Variants in MBP observed in about 807,000 individuals in gnomAD.
MBP encodes the protein myelin basic protein.
In MBP, 16 loss-of-function variants were observed where a neutral mutation model predicts 35.8. That is an observed-to-expected ratio of 0.45 (90% CI 0.30 to 0.68). The LOEUF is 0.68. Among genes scored for constraint, MBP ranks in the 30% least tolerant of loss-of-function variants. MBP has a pLI of 0.08. For missense variants in MBP, 380 were observed against 404.7 expected (o/e 0.94, Z 0.52); for synonymous variants, 143 against 159.6 (o/e 0.90, Z 0.78).
intron 2 of MBP, among the ~76,000 whole-genome samples, chr18:77,098,778 A>G (rs980853291): frequency 3.3e-5 from 5 of 152,228 alleles, no homozygotes; most frequent in African/African-American, 1.2e-4. Context: ...CCCTTCGGCA[A>G]ACATCACTCT....
chr18:77,098,156 C>G (rs1275478966), intron 2 of MBP, among the ~76,000 whole-genome samples: 2 of 123,992 alleles, frequency 1.6e-5, no homozygotes, highest in Non-Finnish European at 3.4e-5. Context: ...TGAGGACAGA[C>G]ACAAGGACTT....
intron 3 of MBP, among the ~76,000 whole-genome samples, chr18:77,051,246 A>G (rs1296599780): frequency 1.3e-5 from 2 of 152,214 alleles, no homozygotes; most frequent in Non-Finnish European, 2.9e-5. Context: ...AACCTCATGA[A>G]ACGTTCCCAT....
chr18:77,024,746 T>C (rs1972133664), intron 3 of MBP, among the ~76,000 whole-genome samples: 1 of 152,256 alleles, frequency 6.6e-6, no homozygotes, highest in African/African-American at 2.4e-5. Context: ...GGGAAGGACC[T>C]TGGAGGCCGA....
chr18:76,981,528 A>G (rs536287652), intron 8 of MBP: 7 of 152,362 alleles, frequency 4.6e-5, no homozygotes, highest in African/African-American at 1.7e-4. Flanking sequence ...GTACATACGT[A>G]GCATTATAAA....
At chr18:77,114,049 A>G (rs1199953499) in intron 1 of MBP, 2 of 152,214 alleles carry the variant, frequency 1.3e-5, no homozygotes, top group Non-Finnish European at 2.9e-5. Flanking sequence ...GCATTCACCC[A>G]TGTAAGAAGT....
At chr18:77,063,936 G>T (rs78958339) in intron 3 of MBP, among the ~76,000 whole-genome samples, 16,511 of 151,288 alleles carry the variant, frequency 0.11, 1,128 homozygotes, top group Non-Finnish European at 0.15. Flanking sequence ...GTGTGTATTT[G>T]ATGGTAACAG....
intron 4 of MBP, among the ~76,000 whole-genome samples, chr18:76,991,483 T>C (rs1969913720): frequency 6.6e-6 from 1 of 152,140 alleles, no homozygotes; most frequent in South Asian, 2.1e-4. Flanking sequence ...CATTGTCTGC[T>C]CGGCTCTCAG....
At chr18:77,126,568 T>C (rs967350438) in intron 1 of MBP, among the ~76,000 whole-genome samples, 2 of 152,184 alleles carry the variant, frequency 1.3e-5, no homozygotes, top group Admixed American at 6.5e-5. Flanking sequence ...ATAAAAAGTA[T>C]ATAAATTGGA....
intron 3 of MBP, among the ~76,000 whole-genome samples, chr18:77,063,094 AG>A (rs1974049193): frequency 6.6e-6 from 1 of 152,196 alleles, no homozygotes; most frequent in Admixed American, 6.5e-5. Flanking sequence ...TTCCTAAAGT[AG>A]GTGGGAGCTG....
rs145518309 is a variant in MBP at position 77,101,210 on chromosome 18, G to A, written c.51+4001C>T. 2.0e-5 allele frequency among the ~76,000 whole-genome samples: 3 copies of A among 152,336 alleles called. No homozygotes were observed. Among genetic ancestry groups the A allele is most frequent in the African/African-American group, 4.8e-5 (2 of 41,580 alleles). ...CCCCCTGCCCCTCTCCTGGCATTGA[G>A]GCACGTCCCTGGGTTCTCCAGGGCA... On this transcript the variant is annotated intron_variant, in intron 2 of 8. Coordinates refer to ENST00000355994, the MANE Select transcript of MBP (RefSeq NM_001025101.2). The surrounding 1 kb of genome is among the most constrained non-coding windows in gnomAD (Gnocchi z 4.3).
chr18:77,077,976 C>T (rs1017949923), intron 2 of MBP, among the ~76,000 whole-genome samples: 1 of 152,190 alleles, frequency 6.6e-6, no homozygotes, highest in African/African-American at 2.4e-5. Context: ...GGCCATCCTC[C>T]CGAGAGCTGC....
At position 77,064,907 on chromosome 18, in the gene MBP, C is replaced by A. The variant is rs76597459; in HGVS notation, c.139+1391G>T. Among the ~76,000 whole-genome samples, 701 of 152,256 alleles carry A rather than the reference C, an allele frequency of 4.6e-3. 3 individuals carry two copies. Among genetic ancestry groups the A allele is most frequent in the African/African-American group, 0.016 (669 of 41,548 alleles). ...GATCTGAGCACATTTCATTCCACCCCTTTTCCTCTTTGCTTTAGGAATAGA... is the reference window on the plus strand; with the variant it reads ...GATCTGAGCACATTTCATTCCACCCATTTTCCTCTTTGCTTTAGGAATAGA... On this transcript the variant is annotated intron_variant, in intron 3 of 8. Coordinates refer to ENST00000355994, the MANE Select transcript of MBP (RefSeq NM_001025101.2).
intron 3 of MBP, among the ~76,000 whole-genome samples, chr18:77,062,103 C>T (rs926334555): frequency 1.3e-5 from 2 of 152,202 alleles, no homozygotes; most frequent in East Asian, 3.8e-4. Flanking sequence ...CTTTGAGATG[C>T]CTGTCCTGGC....
At position 76,988,099 on chromosome 18, in the gene MBP, C is replaced by G. The variant is rs1459679030; in HGVS notation, c.750+396G>C. ...GTGTCAGCATCTGGGGTCACTGAGA[C>G]GGGCCAGCCAGTCCCACTTCCACAT... is the stretch of plus-strand genomic sequence containing the variant. On this transcript the variant is annotated intron_variant, in intron 7 of 8. Coordinates refer to ENST00000355994, the MANE Select transcript of MBP (RefSeq NM_001025101.2). This position sits in a 1 kb window ranked among gnomAD's most constrained non-coding sequence, Gnocchi z 5.2. 4 of 1,495,746 alleles carry G rather than the reference C, an allele frequency of 2.7e-6. No homozygotes were observed. Among genetic ancestry groups the G allele is most frequent in the Non-Finnish European group, 3.6e-6 (4 of 1,123,902 alleles). 92.7% of individuals were successfully genotyped at this position (1,495,746 alleles called of 1,614,324 possible). A position where few individuals can be genotyped will look rare whatever the true frequency, so the allele number is the denominator to read the frequency against.
intron 2 of MBP, among the ~76,000 whole-genome samples, chr18:77,094,486 C>T (rs117079986): frequency 0.017 from 2,654 of 152,302 alleles, 37 homozygotes; most frequent in Non-Finnish European, 0.027. Flanking sequence ...CACTTTACTG[C>T]GGGTGCCACG....
At chr18:77,093,763 G>A (rs894442439) in intron 2 of MBP, among the ~76,000 whole-genome samples, 7 of 152,138 alleles carry the variant, frequency 4.6e-5, no homozygotes, top group East Asian at 1.9e-4. Context: ...TCCCACGGGC[G>A]GGCGCTGCAA....
chr18:77,100,514 T>C (rs200940418), intron 2 of MBP, among the ~76,000 whole-genome samples: 1 of 7,618 alleles, frequency 1.3e-4, no homozygotes, highest in African/African-American at 1.4e-4. Flanking sequence ...TTGGGGTGTG[T>C]GTGTGTGTGT....
At chr18:77,115,146 G>C (rs569836110) in intron 1 of MBP, 2 of 152,368 alleles carry the variant, frequency 1.3e-5, no homozygotes, top group Admixed American at 1.3e-4. Flanking sequence ...GTGGCAGGGA[G>C]TGACACCTTT....
At chr18:77,118,125 T>G (rs1464633055) in intron 1 of MBP, among the ~76,000 whole-genome samples, 1 of 64,992 alleles carries the variant, frequency 1.5e-5, no homozygotes, top group Non-Finnish European at 3.1e-5. Context: ...GACAGTGGGT[T>G]GGGGTGGGAT....
Sources: gnomAD v4.1 joint callset for allele counts (sites outside exome capture counted in the v4.1 genomes callset) on GRCh38, gnomAD v4.1.1 for gene constraint, Gnocchi (gnomAD v3.1) non-coding constraint, MANE v1.5 for transcripts, NCBI Gene and HGNC (gene_info 2026-07-23, HGNC 2026-07-21) for gene names.